The following CCDC138 variants were observed in gnomAD, a reference collection of about 807,000 sequenced individuals.
CCDC138 encodes the protein coiled-coil domain containing 138, also known as coiled-coil domain-containing protein 138.
Under a neutral mutation model 82.3 loss-of-function variants are expected in CCDC138, and 66 were observed. That is an observed-to-expected ratio of 0.80 (90% CI 0.66 to 0.98). The LOEUF is 0.98. Ranked by LOEUF, CCDC138 falls within the 50% of genes least tolerant of loss-of-function variation. The pLI is 0.00. For missense variants in CCDC138, 816 were observed against 758.9 expected (o/e 1.08, Z -0.88); for synonymous variants, 297 against 265.4 (o/e 1.12, Z -1.16).
rs1012006044 is a variant in CCDC138, at chr2:108,845,025, C to T, written c.1324-1713C>T. ...CTTCCCAAAGTGCTGGGATTACAGG[C>T]GTGAGCCACTGTGCCTGGCCCACAT... is the stretch of plus-strand genomic sequence containing the variant. On this transcript the variant is annotated intron_variant, in intron 11 of 14. Coordinates refer to ENST00000295124, the MANE Select transcript of CCDC138 (RefSeq NM_144978.3). 4.9e-4 allele frequency among the ~76,000 whole-genome samples: 75 copies of T among 151,904 alleles called. 1 individual carries two copies. The highest frequency in any genetic ancestry group is 1.2e-4 in the Non-Finnish European group (8 of 67,988).
intron 3 of CCDC138, among the ~76,000 whole-genome samples, chr2:108,789,374 C>T (rs1004368992): frequency 1.3e-5 from 2 of 152,070 alleles, no homozygotes; most frequent in African/African-American, 4.8e-5. Context: ...GGGTGGATCA[C>T]CTGAGGTCAG....
At chr2:108,829,168 T>C (rs2150202453) in intron 10 of CCDC138, among the ~76,000 whole-genome samples, 3 of 152,280 alleles carry the variant, frequency 2.0e-5, no homozygotes, top group South Asian at 4.1e-4. Flanking sequence ...TAAAAATGTT[T>C]GTGCATCAAC....
chr2:108,871,370 TAAAA>T (rs59725353), intron 13 of CCDC138, among the ~76,000 whole-genome samples: 3 of 76,670 alleles, frequency 3.9e-5, no homozygotes, highest in African/African-American at 1.5e-4. Flanking sequence ...CCAACTCTAT[TAAAA>T]AAAAAAAAAA....
In CCDC138 at chr2:108,856,970, A is replaced by G; in HGVS notation, c.1693A>G (p.Lys565Glu). ...TTTGCTCCAGATGACGGTGGAATCTAGTAAGTTTTTAAGTTCTATATGTGT... is the reference window on the plus strand; with the variant it reads ...TTTGCTCCAGATGACGGTGGAATCTGGTAAGTTTTTAAGTTCTATATGTGT... ...DSLLQMTVES[K>E]SLQPFLEACS... is the part of the protein sequence containing the mutation. The change falls in exon 13 of 15, where the codon AAA (lysine) becomes GAA (glutamate). Residue 565 changes from lysine (K) to glutamate (E), a missense_variant and splice_region_variant. Transcript: ENST00000295124. The G allele has an allele frequency of 6.5e-7, 1 of 1,532,976 alleles. No homozygotes were observed. Among genetic ancestry groups the G allele is most frequent in the Non-Finnish European group, 8.8e-7 (1 of 1,130,552 alleles). The allele number at this position is 1,532,976 out of a possible 1,614,324, so 95.0% of individuals were successfully genotyped here.
At chr2:108,883,906 ATAAT>A (rs927141217) in intron 2 of CCDC138, 2 of 148,708 alleles carry the variant, frequency 1.3e-5, no homozygotes, top group African/African-American at 4.9e-5. Context: ...TCACTCCTAA[ATAAT>A]GTGAACTTGT....
At chr2:108,809,198 A>G (rs1322481966) in intron 7 of CCDC138, among the ~76,000 whole-genome samples, 1 of 152,104 alleles carries the variant, frequency 6.6e-6, no homozygotes, top group African/African-American at 2.4e-5. Flanking sequence ...TGCCAATACT[A>G]TGCTGTTCTG....
chr2:108,866,617 G>T (rs1039944171), intron 13 of CCDC138, among the ~76,000 whole-genome samples: 33 of 152,200 alleles, frequency 2.2e-4, no homozygotes, highest in Admixed American at 3.9e-4. Context: ...AGGCATGGTG[G>T]CTCATGCCTG....
chr2:108,787,308 C>T (rs1222630096), intron 1 of CCDC138, among the ~76,000 whole-genome samples: 1 of 152,234 alleles, frequency 6.6e-6, no homozygotes, highest in Non-Finnish European at 1.5e-5. Flanking sequence ...CTTGTACCCT[C>T]ACTTGCATTC....
At chr2:108,858,930 C>T (rs944117631) in intron 13 of CCDC138, among the ~76,000 whole-genome samples, 1 of 152,104 alleles carries the variant, frequency 6.6e-6, no homozygotes, top group Non-Finnish European at 1.5e-5. Context: ...CTGATGGGCA[C>T]CTAGGTTGAT....
intron 11 of CCDC138, among the ~76,000 whole-genome samples, chr2:108,845,594 T>C (rs1168397080): frequency 6.9e-6 from 1 of 144,532 alleles, no homozygotes; most frequent in Non-Finnish European, 1.5e-5. Flanking sequence ...TTTTTTGAGA[T>C]GGAGTCTCGC....
intron 6 of CCDC138, 55 bp downstream of exon 6, chr2:108,798,641 T>TTCTGGGAGGCAGAGGTGGGCGGA: frequency 7.3e-7 from 1 of 1,375,840 alleles, no homozygotes; most frequent in South Asian, 1.3e-5. Context: ...TCTTCTTAGA[T>TTCTGGGAGGCAGAGGTGGGCGGA]TCACTAGTTA....
At position 108,864,123 on chromosome 2, in the gene CCDC138, TTA is replaced by T. The variant is rs151284729; in HGVS notation, c.1693+7158_1693+7159del. ...TTCTTGGTCAACTTTTAAGTTTGTG[TTA>T]TATAGCATATTTTGAGGAAACCCAT... On this transcript the variant is annotated intron_variant, in intron 13 of 14. Coordinates refer to ENST00000295124, the MANE Select transcript of CCDC138 (RefSeq NM_144978.3). Among the ~76,000 whole-genome samples the T allele has an allele frequency of 4.0e-3, 607 of 152,230 alleles. 5 individuals carry two copies. The highest frequency in any genetic ancestry group is 0.014 in the African/African-American group (561 of 41,530).
At chr2:108,808,640 T>A (rs1361322460) in intron 7 of CCDC138, among the ~76,000 whole-genome samples, 3 of 152,242 alleles carry the variant, frequency 2.0e-5, no homozygotes, top group Admixed American at 1.3e-4. Context: ...ATATACCTGT[T>A]GGCTGTTTGT....
Position 108,873,535 on chromosome 2 carries a change from A to T in CCDC138, c.1778A>T (p.Asp593Val). The change falls in exon 14 of 15, where the codon GAT becomes GTT. Residue 593 changes from aspartate (D) to valine (V), a missense_variant. By Grantham distance (152) the Asp-to-Val change is radical (BLOSUM62 -3). Coordinates refer to ENST00000295124, the MANE Select transcript of CCDC138 (RefSeq NM_144978.3). ...CSVLLRAPKL[D>V]LQILEKLSII... ...GTGCTGCTTCGAGCCCCTAAGCTTGATCTTCAAATACTAGAAAAACTCAGT... is the reference window on the plus strand; with the variant it reads ...GTGCTGCTTCGAGCCCCTAAGCTTGTTCTTCAAATACTAGAAAAACTCAGT... 1 of 1,612,180 alleles carries T rather than the reference A, an allele frequency of 6.2e-7. No individual in the cohort carries two copies. Among genetic ancestry groups the T allele is most frequent in the Non-Finnish European group, 8.5e-7 (1 of 1,179,092 alleles).
chr2:108,842,584 C>T (rs1006527607), intron 11 of CCDC138, among the ~76,000 whole-genome samples: 2 of 152,146 alleles, frequency 1.3e-5, no homozygotes, highest in Non-Finnish European at 2.9e-5. Flanking sequence ...CATGTTCACA[C>T]AGTCCGTAGT....
intron 10 of CCDC138, 108 bp from the exon 11 acceptor site, chr2:108,839,077 T>G: frequency 8.5e-7 from 1 of 1,182,664 alleles, no homozygotes; most frequent in Non-Finnish European, 1.1e-6. Context: ...GGAGAACTCT[T>G]TTGTTTTGTT....
chr2:108,831,419 T>C (rs563994779), intron 10 of CCDC138, among the ~76,000 whole-genome samples: 10 of 152,324 alleles, frequency 6.6e-5, no homozygotes, highest in African/African-American at 2.4e-4. Context: ...TAAGAAAAAG[T>C]ACTTTTTTAT....
At chr2:108,812,974 G>T in intron 9 of CCDC138, 47 bp downstream of exon 9, 1 of 1,544,984 alleles carries the variant, frequency 6.5e-7, no homozygotes, top group Non-Finnish European at 8.9e-7. Flanking sequence ...TCTCGGCTGG[G>T]TACGGTGGCT....
intron 10 of CCDC138, among the ~76,000 whole-genome samples, chr2:108,827,734 T>G (rs1686869269): frequency 6.7e-6 from 1 of 150,168 alleles, no homozygotes; most frequent in South Asian, 2.1e-4. Flanking sequence ...GAGAATGGCA[T>G]GAACCCAGGA....
Sources: allele counts gnomAD v4.1 joint callset (sites outside exome capture counted in the v4.1 genomes callset), GRCh38; gene constraint gnomAD v4.1.1; transcripts MANE v1.5; gene names NCBI Gene and HGNC (gene_info 2026-07-23, HGNC 2026-07-21).